CNTNAP2: variants seen among roughly 807,000 people sequenced by gnomAD.
CNTNAP2 encodes the protein contactin associated protein 2.
CNTNAP2 carries 98 observed loss-of-function variants against 155.2 expected under a neutral mutation model. That is an observed-to-expected ratio of 0.63 (90% CI 0.54 to 0.75). The LOEUF (loss-of-function observed/expected upper bound fraction) is 0.75, where lower values mean the gene tolerates loss of function less well. Ranked by LOEUF, CNTNAP2 falls within the 30% of genes least tolerant of loss-of-function variation. CNTNAP2 has a pLI of 0.00. For synonymous variants in CNTNAP2, 651 were observed against 631.2 expected (o/e 1.03, Z -0.47); for missense variants, 1,727 against 1,688.1 (o/e 1.02, Z -0.40).
chr7:146,614,424 A>T (rs535047675), intron 1 of CNTNAP2, among the ~76,000 whole-genome samples: 5 of 152,216 alleles, frequency 3.3e-5, no homozygotes, highest in African/African-American at 4.8e-5. Flanking sequence ...TCAACCTGGC[A>T]TATAACATGT....
At chr7:148,226,923 G>A (rs114332001) in intron 19 of CNTNAP2, among the ~76,000 whole-genome samples, 2,855 of 152,252 alleles carry the variant, frequency 0.019, 83 homozygotes, top group African/African-American at 0.065. Flanking sequence ...AAAACTTGCC[G>A]CAGTCTCTCC....
intron 1 of CNTNAP2, among the ~76,000 whole-genome samples, chr7:146,456,496 A>G (rs1016759185): frequency 1.3e-5 from 2 of 152,172 alleles, no homozygotes; most frequent in African/African-American, 4.8e-5. Flanking sequence ...GGCTTTATAT[A>G]AATTTTCTGA....
intron 2 of CNTNAP2, among the ~76,000 whole-genome samples, chr7:146,807,946 A>C (rs894813865): frequency 1.3e-5 from 2 of 152,106 alleles, no homozygotes; most frequent in African/African-American, 2.4e-5. Context: ...TAGTGGTCTT[A>C]ATAATAGTGG....
chr7:146,973,146 C>T (rs181460382), intron 3 of CNTNAP2, among the ~76,000 whole-genome samples: 79 of 152,136 alleles, frequency 5.2e-4, no homozygotes, highest in Admixed American at 2.1e-3. Flanking sequence ...CTCCTGCCTC[C>T]GCCTCCTTAG....
chr7:146,171,027 AAAATAAAT>A (rs34457672), intron 1 of CNTNAP2, among the ~76,000 whole-genome samples: 8 of 151,832 alleles, frequency 5.3e-5, no homozygotes, highest in East Asian at 1.9e-4. Flanking sequence ...ACTCCGTCTA[AAAATAAAT>A]AAATAAATAA....
At chr7:146,349,964 G>C (rs568025538) in intron 1 of CNTNAP2, among the ~76,000 whole-genome samples, 1 of 151,262 alleles carries the variant, frequency 6.6e-6, no homozygotes, top group African/African-American at 2.4e-5. Context: ...TGCTCTTCTC[G>C]AGGAGTATCT....
At chr7:148,409,618 A>C (rs1355433667) in intron 23 of CNTNAP2, 147 bp downstream of exon 23, 20 of 750,958 alleles carry the variant, frequency 2.7e-5, no homozygotes, top group Non-Finnish European at 4.2e-5. Flanking sequence ...TATGATGTGA[A>C]GAAATATAGT....
chr7:146,693,553 A>G (rs1055924923), intron 1 of CNTNAP2, among the ~76,000 whole-genome samples: 1 of 152,198 alleles, frequency 6.6e-6, no homozygotes, highest in African/African-American at 2.4e-5. Context: ...ATTATAAGAT[A>G]TAAGTTTAAT....
At chr7:146,701,418 T>TA (rs1800876295) in intron 1 of CNTNAP2, among the ~76,000 whole-genome samples, 1 of 152,206 alleles carries the variant, frequency 6.6e-6, no homozygotes, top group African/African-American at 2.4e-5. Flanking sequence ...GCCCATACTC[T>TA]ACTGGTTGCT....
chr7:146,296,423 T>C (rs775413410), intron 1 of CNTNAP2, among the ~76,000 whole-genome samples: 2 of 152,128 alleles, frequency 1.3e-5, no homozygotes, highest in African/African-American at 2.4e-5. Context: ...CTTTCTTTGC[T>C]GCAAACTGGT....
intron 1 of CNTNAP2, among the ~76,000 whole-genome samples, chr7:146,756,015 C>A (rs1344972080): frequency 1.3e-5 from 2 of 151,758 alleles, no homozygotes; most frequent in Non-Finnish European, 2.9e-5. Flanking sequence ...CATTAGTTGA[C>A]ATGCACTCTT....
At chr7:148,313,967 C>A (rs1413011499) in intron 21 of CNTNAP2, among the ~76,000 whole-genome samples, 1 of 152,076 alleles carries the variant, frequency 6.6e-6, no homozygotes, top group Non-Finnish European at 1.5e-5. Flanking sequence ...TTAGCTCCAG[C>A]CACCTTTTTA....
rs35382423 is a variant in CNTNAP2 at position 147,398,681 on chromosome 7, G to GA, written c.1670+2906dup. ...TTTCTGAACGCAGCTTTGAATCAAG[G>GA]AAAAAGCAAGCTTGCCAAGCTACAG... On this transcript the variant is annotated intron_variant, in intron 10 of 23. Coordinates refer to ENST00000361727, the MANE Select transcript of CNTNAP2 (RefSeq NM_014141.6). 2.0e-3 allele frequency among the ~76,000 whole-genome samples: 281 copies of GA among 138,722 alleles called. 3 individuals are homozygous for GA. Among genetic ancestry groups the GA allele is most frequent in the Non-Finnish European group, 6.7e-4 (44 of 65,498 alleles). 91.0% of individuals were successfully genotyped at this position (138,722 alleles called of 152,430 possible). A position where few individuals can be genotyped will look rare whatever the true frequency, so the allele number is the denominator to read the frequency against.
At chr7:147,559,345 G>A (rs561179969) in intron 11 of CNTNAP2, among the ~76,000 whole-genome samples, 4 of 152,322 alleles carry the variant, frequency 2.6e-5, no homozygotes, top group African/African-American at 9.6e-5. Context: ...AGCCAAGAAA[G>A]ACCTGTTAGG....
intron 2 of CNTNAP2, among the ~76,000 whole-genome samples, chr7:146,801,410 A>T (rs956020133): frequency 6.6e-6 from 1 of 152,116 alleles, no homozygotes; most frequent in South Asian, 2.1e-4. Context: ...TTGACCAAAC[A>T]TTTATTGAAT....
chr7:147,583,245 C>T (rs10226510), intron 12 of CNTNAP2, among the ~76,000 whole-genome samples: 104,440 of 151,466 alleles, frequency 0.69, 36,554 homozygotes, highest in African/African-American at 0.81. Flanking sequence ...GGCAGTTCCA[C>T]ATAATCAGCT....
At chr7:148,127,033 G>A (rs892143493) in intron 16 of CNTNAP2, among the ~76,000 whole-genome samples, 4 of 152,118 alleles carry the variant, frequency 2.6e-5, no homozygotes, top group African/African-American at 7.2e-5. Flanking sequence ...GTCTGGGCAC[G>A]GTGGCTCATG....
chr7:146,433,961 A>C (rs1796207092), intron 1 of CNTNAP2, among the ~76,000 whole-genome samples: 1 of 152,144 alleles, frequency 6.6e-6, no homozygotes, highest in Non-Finnish European at 1.5e-5. Flanking sequence ...GTTTGCTGGA[A>C]AGAAAATAAT....
intron 13 of CNTNAP2, among the ~76,000 whole-genome samples, chr7:147,662,569 A>G (rs1280314345): frequency 1.3e-5 from 2 of 152,228 alleles, no homozygotes; most frequent in Admixed American, 6.5e-5. Flanking sequence ...AAGTGATACC[A>G]TCAGGTAGCA....
Sources: allele counts gnomAD v4.1 joint callset (sites outside exome capture counted in the v4.1 genomes callset), GRCh38; gene constraint gnomAD v4.1.1; transcripts MANE v1.5; gene names NCBI Gene and HGNC (gene_info 2026-07-23, HGNC 2026-07-21).